The following CYLD variants were observed in gnomAD, a reference collection of about 807,000 sequenced individuals.
The protein encoded by CYLD is ubiquitin carboxyl-terminal hydrolase CYLD.
Under a neutral mutation model 104.5 loss-of-function variants are expected in CYLD, and 26 were observed. The ratio of observed to expected loss-of-function variants is 0.25; its 90% CI spans 0.18 to 0.35. The LOEUF (loss-of-function observed/expected upper bound fraction) is 0.35. Ranked by LOEUF, CYLD falls within the 10% of genes least tolerant of loss-of-function variation. The pLI, the probability that CYLD is intolerant of heterozygous loss-of-function variation, is 1.00. For synonymous variants in CYLD, 385 were observed against 399.9 expected, an observed-to-expected ratio of 0.96 and a Z score of 0.45; for missense variants, 703 against 1,136.1, an observed-to-expected ratio of 0.62 and a Z score of 5.48.
At chr16:50,776,074 T>G in intron 6 of CYLD, 105 bp from the exon 7 acceptor site, 1 of 806,234 alleles carries the variant, frequency 1.2e-6, no homozygotes. Flanking sequence ...CTAAAAATTC[T>G]GCCTTTTTGT....
intron 4 of CYLD, among the ~76,000 whole-genome samples, chr16:50,752,235 A>C (rs1484982435): frequency 2.0e-5 from 3 of 150,132 alleles, no homozygotes; most frequent in Admixed American, 6.7e-5. Flanking sequence ...CTATCTTTAA[A>C]TTTGCCTTAT....
chr16:50,785,999 C>T (rs2111435), intron 12 of CYLD: 83,003 of 151,962 alleles, frequency 0.55, 23,656 homozygotes, highest in African/African-American at 0.7. Flanking sequence ...TGGTAGCCGC[C>T]AAGTTCTCCT....
At chr16:50,784,115 G>A (rs1970572013) in intron 11 of CYLD, 4 of 506,700 alleles carry the variant, frequency 7.9e-6, no homozygotes, top group South Asian at 6.1e-5. Context: ...AGTATTATTG[G>A]TGTTGTCCTT....
chr16:50,778,581 A>G (rs1328335753), intron 8 of CYLD, among the ~76,000 whole-genome samples: 1 of 152,212 alleles, frequency 6.6e-6, no homozygotes, highest in African/African-American at 2.4e-5. Flanking sequence ...TAGGTTTACC[A>G]GAGGAGTGAC....
chr16:50,756,454 T>G (rs757643543), intron 5 of CYLD, among the ~76,000 whole-genome samples: 1 of 152,224 alleles, frequency 6.6e-6, no homozygotes, highest in Non-Finnish European at 1.5e-5. Flanking sequence ...TAGTCAGAAA[T>G]AGATTGCTCA....
intron 5 of CYLD, among the ~76,000 whole-genome samples, chr16:50,768,880 C>G (rs950001098): frequency 6.6e-6 from 1 of 152,206 alleles, no homozygotes; most frequent in African/African-American, 2.4e-5. Flanking sequence ...CCTGTCCTCT[C>G]AACCCCCTAC....
In CYLD at chr16:50,751,588, C is replaced by G; in HGVS notation, c.505-16C>G. On this transcript the variant is annotated splice_polypyrimidine_tract_variant and intron_variant, in intron 3 of 18. Coordinates refer to ENST00000427738, the MANE Select transcript of CYLD (RefSeq NM_001378743.1). ...CTTTCTATATCTATTTCTTTCCCTT[C>G]TCTCTTAAAAACTAGGAAGAAGGTC... The G allele has an allele frequency of 6.2e-7, 1 of 1,612,412 alleles. No individual in the cohort carries two copies. The highest frequency in any genetic ancestry group is 1.7e-5 in the Admixed American group (1 of 59,958).
intron 5 of CYLD, among the ~76,000 whole-genome samples, chr16:50,755,136 CGTGTACATATGTGTGT>C (rs879883000): frequency 0.49 from 64,371 of 130,932 alleles, 19,430 homozygotes; most frequent in African/African-American, 0.67. Context: ...TATATACACA[CGTGTACATATGTGTGT>C]ATATACACAC....
chr16:50,768,907 G>A (rs1377530896), intron 5 of CYLD, among the ~76,000 whole-genome samples: 4 of 152,054 alleles, frequency 2.6e-5, no homozygotes, highest in South Asian at 2.1e-4. Flanking sequence ...ACAACCACTG[G>A]TCTTCTTTAC....
chr16:50,758,499 G>C (rs1967528839), intron 5 of CYLD, among the ~76,000 whole-genome samples: 1 of 152,188 alleles, frequency 6.6e-6, no homozygotes, highest in African/African-American at 2.4e-5. Flanking sequence ...GATCTCTCTG[G>C]CTGCCTGTTA....
chr16:50,790,144 T>C (rs1474450964), intron 14 of CYLD, among the ~76,000 whole-genome samples: 3 of 152,202 alleles, frequency 2.0e-5, no homozygotes, highest in African/African-American at 7.2e-5. Flanking sequence ...AGACTGAAAT[T>C]CTAAGAATAA....
At chr16:50,782,034 G>A (rs745740786) in intron 10 of CYLD, among the ~76,000 whole-genome samples, 1 of 152,192 alleles carries the variant, frequency 6.6e-6, no homozygotes. Context: ...AGCAACTTCA[G>A]ATAAATAGTG....
At chr16:50,771,616 C>G (rs1969160218) in intron 5 of CYLD, among the ~76,000 whole-genome samples, 1 of 152,134 alleles carries the variant, frequency 6.6e-6, no homozygotes, top group Admixed American at 6.6e-5. Flanking sequence ...ATTTACTTTT[C>G]CAGCCACAAT....
In CYLD at chr16:50,771,398, T is replaced by A. The variant is rs549327656; in HGVS notation, c.914-3768T>A. ...ATAAATGGATCTGCCGTATTTTGTT[T>A]AGCCATTTTTCAGTCGATGGACGTC... On this transcript the variant is annotated intron_variant, in intron 5 of 18. Coordinates refer to ENST00000427738, the MANE Select transcript of CYLD (RefSeq NM_001378743.1). Among the ~76,000 whole-genome samples the A allele has an allele frequency of 2.6e-5, 4 of 152,320 alleles. No individual in the cohort carries two copies. In the South Asian group the frequency reaches 6.2e-4, roughly 24 times the overall value.
rs1342241971 is a variant in CYLD at position 50,800,197 on chromosome 16, A to T, written c.*3689A>T. On this transcript the variant is annotated 3_prime_UTR_variant, in exon 19 of 19. Coordinates refer to ENST00000427738, the MANE Select transcript of CYLD (RefSeq NM_001378743.1). ...GTTAGACTACTGAATTGTATGGGAA[A>T]AAAATACAAATTCCTGGGTCCTAGG... 8.6e-6 allele frequency: 2 copies of T among 232,896 alleles called. No homozygotes were observed. Among genetic ancestry groups the T allele is most frequent in the East Asian group, 1.2e-4 (2 of 16,572 alleles). 14.4% of individuals were successfully genotyped at this position (232,896 alleles called of 1,614,324 possible).
chr16:50,794,628 T>TC lies in CYLD; in HGVS notation c.2686+200_2686+201insC. ...AGGAATAATATGCTGTGTTTTTTTT[T>TC]TTCCTTTTTTGAGATGGAGTCTCAC... is the stretch of plus-strand genomic sequence containing the variant. On this transcript the variant is annotated intron_variant, in intron 18 of 18. Transcript: ENST00000427738. This position sits in a 1 kb window ranked among gnomAD's most constrained non-coding sequence, Gnocchi z 4.1. 1.6e-6 allele frequency: 1 copy of TC among 620,216 alleles called. No homozygotes were observed. 38.4% of individuals were successfully genotyped at this position (620,216 alleles called of 1,614,324 possible). A position where few individuals can be genotyped will look rare whatever the true frequency, so the allele number is the denominator to read the frequency against.
intron 13 of CYLD, 87 bp from the exon 14 acceptor site, chr16:50,787,699 G>A: frequency 5.7e-6 from 4 of 699,898 alleles, no homozygotes; most frequent in South Asian, 1.7e-5. Context: ...ACTGAATTCA[G>A]TATTAAAATT....
rs370640158 is a variant in CYLD at position 50,769,690 on chromosome 16, CGT to C, written c.914-5472_914-5471del. Among the ~76,000 whole-genome samples, 279 of 152,274 alleles carry C rather than the reference CGT, an allele frequency of 1.8e-3. 3 individuals carry two copies. Among genetic ancestry groups the C allele is most frequent in the African/African-American group, 6.5e-3 (268 of 41,544 alleles). On this transcript the variant is annotated intron_variant, in intron 5 of 18. Coordinates refer to ENST00000427738, the MANE Select transcript of CYLD (RefSeq NM_001378743.1). ...AACATTAACATGTTGTAAAACAAGA[CGT>C]GTGCAACATCACAACCAGAATGTTG...
intron 5 of CYLD, among the ~76,000 whole-genome samples, chr16:50,755,455 T>G (rs1967113003): frequency 6.6e-6 from 1 of 152,206 alleles, no homozygotes; most frequent in Non-Finnish European, 1.5e-5. Flanking sequence ...ATCCCCACAC[T>G]GTTTTCCACA....
Sources: gnomAD v4.1 joint callset for allele counts (sites outside exome capture counted in the v4.1 genomes callset) on GRCh38, gnomAD v4.1.1 for gene constraint, Gnocchi (gnomAD v3.1) non-coding constraint, MANE v1.5 for transcripts, NCBI Gene and HGNC (gene_info 2026-07-23, HGNC 2026-07-21) for gene names.